The following OXA1L variants were observed in gnomAD, a reference collection of about 807,000 sequenced individuals.
The protein encoded by OXA1L is mitochondrial inner membrane protein OXA1L.
Under a neutral mutation model 52.2 loss-of-function variants are expected in OXA1L, and 42 were observed. The ratio of observed to expected loss-of-function variants is 0.80; its 90% CI spans 0.63 to 1.04. The LOEUF is 1.04. Among genes scored for constraint, OXA1L ranks in the 50% least tolerant of loss-of-function variants. OXA1L has a pLI of 0.00. For synonymous variants in OXA1L, 239 were observed against 201.9 expected (o/e 1.18, Z -1.56); for missense variants, 572 against 555.0 (o/e 1.03, Z -0.31).
chr14:22,768,931 T>C (rs2038433622), intron 3 of OXA1L: 1 of 152,042 alleles, frequency 6.6e-6, no homozygotes, highest in Non-Finnish European at 1.5e-5. Context: ...TTTTATTTTA[T>C]TTATTTTTTT....
Position 22,770,480 on chromosome 14 carries a change from T to C in OXA1L, c.689T>C (p.Phe230Ser), listed in dbSNP as rs770290255. Reference sequence around the variant, plus strand: ...TAATAGGCCCCAATCTTCATCTCCTTCTTCATTGCTTTGAGAGAGATGGCC... The same window carrying C: ...TAATAGGCCCCAATCTTCATCTCCTCCTTCATTGCTTTGAGAGAGATGGCC... ...PVTQAPIFIS[F>S]FIALREMANL... The change falls in exon 6 of 10, where the codon TTC becomes TCC. Residue 230 changes from phenylalanine (F) to serine (S), a missense_variant. Physicochemically the swap from Phe to Ser is radical, Grantham distance 155. This residue lies in a region of OXA1L where 132 missense variants were observed against 124.0 expected (regional missense o/e 1.06). Transcript: ENST00000612549. The C allele has an allele frequency of 2.5e-6, 4 of 1,613,756 alleles. No individual in the cohort carries two copies. The highest frequency in any genetic ancestry group is 3.4e-6 in the Non-Finnish European group (4 of 1,179,652).
intron 3 of OXA1L, 73 bp downstream of exon 3, chr14:22,768,244 G>A: frequency 8.2e-7 from 1 of 1,218,530 alleles, no homozygotes; most frequent in Non-Finnish European, 1.2e-6. Context: ...ATGGATTCAG[G>A]AAGTAGTTGC....
Position 22,771,578 on chromosome 14 carries a change from C to G in OXA1L, c.*20C>G. The G allele has an allele frequency of 6.2e-7, 1 of 1,613,832 alleles. No homozygotes were observed. Among genetic ancestry groups the G allele is most frequent in the Non-Finnish European group, 8.5e-7 (1 of 1,179,736 alleles). Reference sequence around the variant, plus strand: ...GGCTGACTTATGTTCTGTGCGCATTCTGGCAGGAATTCTGTCTCTTCAGAG... The same window carrying G: ...GGCTGACTTATGTTCTGTGCGCATTGTGGCAGGAATTCTGTCTCTTCAGAG... On this transcript the variant is annotated 3_prime_UTR_variant, in exon 10 of 10. Coordinates refer to ENST00000612549, the MANE Select transcript of OXA1L (RefSeq NM_005015.5).
At chr14:22,767,574 G>A (rs1021816487) in intron 2 of OXA1L, 165 bp downstream of exon 2, 1 of 596,142 alleles carries the variant, frequency 1.7e-6, no homozygotes, top group Non-Finnish European at 2.9e-6. Context: ...TTTCAATTCA[G>A]TGGGGAAATG....
intron 2 of OXA1L, 107 bp downstream of exon 2, chr14:22,767,516 C>T (rs2038419994): frequency 1.1e-5 from 10 of 914,112 alleles, no homozygotes; most frequent in South Asian, 1.7e-5. Context: ...TTCTTGTCCA[C>T]GCTCCACACA....
Position 22,770,910 on chromosome 14 carries a change from G to A in OXA1L, c.939+1G>A. 6.2e-7 allele frequency: 1 copy of A among 1,613,442 alleles called. No individual in the cohort carries two copies. The highest frequency in any genetic ancestry group is 8.5e-7 in the Non-Finnish European group (1 of 1,179,388). ...GCCCATAACCATGCATTTCCCCACG[G>A]TATGTAATGCCTTATGGGCTGGCTC... On this transcript the variant is annotated splice_donor_variant, in intron 7 of 9. Transcript: ENST00000612549. LOFTEE classifies it high-confidence loss of function.
At chr14:22,768,323 C>G in intron 3 of OXA1L, 152 bp downstream of exon 3, 1 of 629,004 alleles carries the variant, frequency 1.6e-6, no homozygotes, top group Non-Finnish European at 2.9e-6. Flanking sequence ...CCTAGATGCA[C>G]TCTGCCTATA....
rs1479301786 is a variant in OXA1L at position 22,771,755 on chromosome 14, T to A, written c.*197T>A. The A allele has an allele frequency of 1.6e-6, 1 of 610,248 alleles. No individual in the cohort carries two copies. The highest frequency in any genetic ancestry group is 2.9e-6 in the Non-Finnish European group (1 of 345,732). 37.8% of individuals were successfully genotyped at this position (610,248 alleles called of 1,614,324 possible). A position where few individuals can be genotyped will look rare whatever the true frequency, so the allele number is the denominator to read the frequency against. On this transcript the variant is annotated 3_prime_UTR_variant, in exon 10 of 10. Transcript: ENST00000612549. The stretch of plus-strand genomic sequence containing the variant: ...ACTGGGTAGCCAAGTGATCTTCCCA[T>A]TCACAGAGTTAGTAAACCTCTGTAC...
rs1594937434 is a variant in OXA1L, at chr14:22,766,950, G to A, written c.63+186G>A. 4 of 1,517,300 alleles carry A rather than the reference G, an allele frequency of 2.6e-6. No individual in the cohort carries two copies. In the East Asian group the frequency reaches 7.4e-5, roughly 28 times the overall value. The allele number at this position is 1,517,300 out of a possible 1,614,324, so 94.0% of individuals were successfully genotyped here. On this transcript the variant is annotated intron_variant, in intron 1 of 9. Coordinates refer to ENST00000612549, the MANE Select transcript of OXA1L (RefSeq NM_005015.5). The stretch of plus-strand genomic sequence containing the variant: ...GACACTATGGGCCCAGCAGCCCGGT[G>A]TCAGCTTCTGGAATTGGCTTGGCTC...
Position 22,772,513 on chromosome 14 carries a change from AAAAAAACAG to A in OXA1L, c.*956_*964del, listed in dbSNP as rs1299169909. The stretch of plus-strand genomic sequence containing the variant: ...CAAAAAAAAAAAAAAAAAAAAAAAA[AAAAAAACAG>A]TTTAAACTTCCAACCCATGCATGTG... On this transcript the variant is annotated 3_prime_UTR_variant, in exon 10 of 10. Transcript: ENST00000612549. 1.1e-4 allele frequency: 15 copies of A among 136,510 alleles called. No homozygotes were observed. In the South Asian group the frequency reaches 2.4e-3, roughly 22 times the overall value. The allele number at this position is 136,510 out of a possible 1,614,324, so 8.5% of individuals were successfully genotyped here.
rs570564559 is a variant in OXA1L at position 22,768,192 on chromosome 14, A to G, written c.439+21A>G. 1.5e-4 allele frequency: 235 copies of G among 1,585,692 alleles called. 2 individuals carry two copies. The South Asian group carries it at 2.2e-3, about 15-fold the overall frequency. ...TGCATGTAAGGGGAATATACCCTGGACATGGGTTAGGGATTTAACCTCATA... is the reference window on the plus strand; with the variant it reads ...TGCATGTAAGGGGAATATACCCTGGGCATGGGTTAGGGATTTAACCTCATA... On this transcript the variant is annotated intron_variant, in intron 3 of 9. Transcript: ENST00000612549.
Position 22,770,260 on chromosome 14 carries a change from C to A in OXA1L, c.651C>A (p.Leu217=). 1 of 1,608,498 alleles carries A rather than the reference C, an allele frequency of 6.2e-7. No homozygotes were observed. The highest frequency in any genetic ancestry group is 8.5e-7 in the Non-Finnish European group (1 of 1,174,912). Residue 217 remains leucine (L), a synonymous_variant, in exon 5 of 10, where the codon CTC becomes CTA. Transcript: ENST00000612549. ...KKHGIKLYKP[L]ILPVTQAPIF... ...ATGGTATTAAACTCTATAAACCTCT[C>A]ATTCTCCCTGTGACTCAGGTGAGCA...
At position 22,771,101 on chromosome 14, in the gene OXA1L, A is replaced by G; in HGVS notation, c.1023A>G (p.Val341=). The G allele has an allele frequency of 6.2e-7, 1 of 1,614,132 alleles. No homozygotes were observed. Among genetic ancestry groups the G allele is most frequent in the East Asian group, 2.2e-5 (1 of 44,882 alleles). Reference sequence around the variant, plus strand: ...TCCGGATTCCAGCAGTACGCACTGTACTTAAAATCCCCCAGCGTGTTGTAC... The same window carrying G: ...TCCGGATTCCAGCAGTACGCACTGTGCTTAAAATCCCCCAGCGTGTTGTAC... ...SCLRIPAVRT[V]LKIPQRVVHD... The change falls in exon 8 of 10, where the codon GTA becomes GTG. Residue 341 remains valine, a synonymous_variant. Transcript: ENST00000612549.
chr14:22,771,119 T>G lies in OXA1L; in HGVS notation c.1041T>G (p.Arg347=). ...AVRTVLKIPQ[R]VVHDLDKLPP... ...GCACTGTACTTAAAATCCCCCAGCG[T>G]GTTGTACATGACCTGGACAAATTAC... The change falls in exon 8 of 10, where the codon CGT becomes CGG. Residue 347 remains arginine (R), a synonymous_variant. Coordinates refer to ENST00000612549, the MANE Select transcript of OXA1L (RefSeq NM_005015.5). 6.2e-7 allele frequency: 1 copy of G among 1,613,956 alleles called. No individual in the cohort carries two copies. The highest frequency in any genetic ancestry group is 1.1e-5 in the South Asian group (1 of 91,076).
At chr14:22,766,894 G>C (rs1444590789) in intron 1 of OXA1L, 130 bp downstream of exon 1, 2 of 1,537,048 alleles carry the variant, frequency 1.3e-6, no homozygotes, top group Non-Finnish European at 1.7e-6. Flanking sequence ...ATGACCTCGG[G>C]TCATGTGAGG....
rs140605227 is a variant in OXA1L, at chr14:22,771,342, G to C, written c.1177G>C (p.Ala393Pro). 2 of 1,614,056 alleles carry C rather than the reference G, an allele frequency of 1.2e-6. No homozygotes were observed. The highest frequency in any genetic ancestry group is 2.7e-5 in the African/African-American group (2 of 74,940). ...CATGCGGAATCAGTTGGAGCTAGCA[G>C]CCAGGGGTAAATAGTCCTTTCAGGC... Reference protein sequence around the residue: ...QRMRNQLELAARGPLRQTFTH... With the variant: ...QRMRNQLELAPRGPLRQTFTH... The change falls in exon 9 of 10, where the codon GCC becomes CCC. Residue 393 changes from alanine to proline, a missense_variant. Physicochemically the swap from Ala to Pro is conservative, Grantham distance 27. Around this residue, in one of 5 missense-constraint regions of OXA1L, gnomAD observed 244 missense variants for 240.2 expected, o/e 1.02. Coordinates refer to ENST00000612549, the MANE Select transcript of OXA1L (RefSeq NM_005015.5).
chr14:22,766,843 G>A lies in OXA1L; in HGVS notation c.63+79G>A, dbSNP rs752119232. On this transcript the variant is annotated intron_variant, in intron 1 of 9. Coordinates refer to ENST00000612549, the MANE Select transcript of OXA1L (RefSeq NM_005015.5). ...GGCCCCAGGACAGCTCGTGCTAGGG[G>A]TATCAGCAGACGCTGACCTGCTCAC... 4 of 1,588,150 alleles carry A rather than the reference G, an allele frequency of 2.5e-6. No individual in the cohort carries two copies. In the African/African-American group the frequency reaches 5.4e-5, roughly 21 times the overall value.
Position 22,770,557 on chromosome 14 carries a change from C to T in OXA1L, c.766C>T (p.Leu256Phe). The T allele has an allele frequency of 6.2e-7, 1 of 1,614,188 alleles. No individual in the cohort carries two copies. Among genetic ancestry groups the T allele is most frequent in the African/African-American group, 1.3e-5 (1 of 75,052 alleles). Reference sequence around the variant, plus strand: ...AGGTGGCCTCTGGTGGTTCCAGGATCTCACGGTATCCGATCCCATCTACAT... The same window carrying T: ...AGGTGGCCTCTGGTGGTTCCAGGATTTCACGGTATCCGATCCCATCTACAT... Reference protein sequence around the residue: ...QTGGLWWFQDLTVSDPIYILP... With the variant: ...QTGGLWWFQDFTVSDPIYILP... Residue 256 changes from leucine (L) to phenylalanine (F), a missense_variant, in exon 6 of 10, where the codon CTC becomes TTC. This residue lies in a region of OXA1L where 244 missense variants were observed against 240.2 expected (regional missense o/e 1.02). Transcript: ENST00000612549.
chr14:22,768,200 T>C, intron 3 of OXA1L, 29 bp downstream of exon 3: 3 of 1,564,968 alleles, frequency 1.9e-6, no homozygotes, highest in Non-Finnish European at 2.6e-6. Flanking sequence ...GGACATGGGT[T>C]AGGGATTTAA....
Sources: allele counts gnomAD v4.1 joint callset, GRCh38; gene constraint gnomAD v4.1.1; regional missense constraint gnomAD v4.1.1; transcripts MANE v1.5; gene names NCBI Gene and HGNC (gene_info 2026-07-23, HGNC 2026-07-21).